CSMD1: variants seen among roughly 807,000 people sequenced by gnomAD.
CSMD1 encodes CUB and Sushi multiple domains 1, also known as CUB and sushi domain-containing protein 1.
Under a neutral mutation model 417.5 loss-of-function variants are expected in CSMD1, and 213 were observed. That is an observed-to-expected ratio of 0.51 (90% confidence interval 0.46 to 0.57). The LOEUF is 0.57. Among genes scored for constraint, CSMD1 ranks in the 20% least tolerant of loss-of-function variants. CSMD1 has a pLI of 0.00. For synonymous variants in CSMD1, 2,862 were observed against 1,736.8 expected, an observed-to-expected ratio of 1.65 and a Z score of -16.11; for missense variants, 6,923 against 4,529.7, an observed-to-expected ratio of 1.53 and a Z score of -15.17.
intron 3 of CSMD1, among the ~76,000 whole-genome samples, chr8:4,137,390 A>G (rs561458240): frequency 1.3e-5 from 1 of 77,606 alleles, no homozygotes; most frequent in South Asian, 4.5e-4. Context: ...AGATTAATGA[A>G]GAACAGAAAA....
chr8:3,393,206 C>G (rs1811451268), intron 17 of CSMD1, among the ~76,000 whole-genome samples: 3 of 152,140 alleles, frequency 2.0e-5, no homozygotes, highest in Non-Finnish European at 2.9e-5. Flanking sequence ...ATATGCAAGT[C>G]TAGATGTGTG....
intron 5 of CSMD1, among the ~76,000 whole-genome samples, chr8:3,912,614 G>C (rs1584953084): frequency 6.6e-6 from 1 of 152,146 alleles, no homozygotes. Context: ...AAGGAGCTAA[G>C]GTGAATTGCA....
intron 5 of CSMD1, among the ~76,000 whole-genome samples, chr8:3,855,865 C>G (rs989875444): frequency 6.6e-6 from 1 of 152,112 alleles, no homozygotes; most frequent in Non-Finnish European, 1.5e-5. Context: ...TATTATGACA[C>G]TTTGGAAACA....
chr8:2,985,260 A>T (rs1295684002), intron 54 of CSMD1, among the ~76,000 whole-genome samples: 3 of 152,168 alleles, frequency 2.0e-5, no homozygotes, highest in Admixed American at 6.5e-5. Context: ...TGCCTGTATC[A>T]CTAGCTTCTG....
intron 67 of CSMD1, 37 bp from the exon 68 acceptor site, chr8:2,949,423 G>A (rs200675652): frequency 1.8e-5 from 6 of 341,978 alleles, no homozygotes; most frequent in East Asian, 8.3e-5. Flanking sequence ...AAATAAAAAG[G>A]TATACGAAGG....
chr8:3,632,234 G>C (rs12678397), intron 7 of CSMD1, among the ~76,000 whole-genome samples: 62,910 of 151,928 alleles, frequency 0.41, 13,259 homozygotes, highest in Middle Eastern at 0.59. Flanking sequence ...TCATTTCTAG[G>C]GCTGGGCTTT....
chr8:3,344,761 C>T (rs987538899), intron 22 of CSMD1, among the ~76,000 whole-genome samples: 2 of 152,040 alleles, frequency 1.3e-5, no homozygotes, highest in Non-Finnish European at 2.9e-5. Flanking sequence ...TATATAAACC[C>T]AGGGATGTAC....
intron 7 of CSMD1, among the ~76,000 whole-genome samples, chr8:3,692,821 C>T (rs1267745534): frequency 6.6e-6 from 1 of 151,970 alleles, no homozygotes. Flanking sequence ...ATATGCATGG[C>T]AAAAATATTA....
At chr8:4,847,838 T>G (rs117846159) in intron 1 of CSMD1, among the ~76,000 whole-genome samples, 320 of 151,796 alleles carry the variant, frequency 2.1e-3, no homozygotes, top group Non-Finnish European at 3.7e-3. Flanking sequence ...CTATTTAAAG[T>G]ATAAATTTCA....
At chr8:2,947,029 TATC>T (rs2128916682) in intron 68 of CSMD1, among the ~76,000 whole-genome samples, 1 of 152,368 alleles carries the variant, frequency 6.6e-6, no homozygotes, top group African/African-American at 2.4e-5. Context: ...TTTAGAGACA[TATC>T]TATTCAAATC....
At chr8:4,870,286 G>T (rs979905573) in intron 1 of CSMD1, among the ~76,000 whole-genome samples, 1 of 152,016 alleles carries the variant, frequency 6.6e-6, no homozygotes, top group East Asian at 1.9e-4. Flanking sequence ...TTATATATGG[G>T]TAAAAATTGG....
chr8:4,228,718 C>T (rs564367411), intron 3 of CSMD1, among the ~76,000 whole-genome samples: 34 of 151,902 alleles, frequency 2.2e-4, no homozygotes, highest in African/African-American at 8.0e-4. Flanking sequence ...GAGTCTACCT[C>T]TGTCACCCAG....
intron 5 of CSMD1, among the ~76,000 whole-genome samples, chr8:3,926,796 AC>A (rs1809763029): frequency 7.0e-6 from 1 of 142,708 alleles, no homozygotes; most frequent in Non-Finnish European, 1.5e-5. Flanking sequence ...GCTCACTGCA[AC>A]CTCTGCCTCC....
intron 3 of CSMD1, among the ~76,000 whole-genome samples, chr8:4,095,699 G>A (rs984481437): frequency 6.6e-6 from 1 of 152,166 alleles, no homozygotes; most frequent in South Asian, 2.1e-4. Flanking sequence ...TAGAAGCTAT[G>A]ATGAGGTGCA....
At chr8:3,451,602 G>A (rs569257232) in intron 12 of CSMD1, among the ~76,000 whole-genome samples, 13 of 152,224 alleles carry the variant, frequency 8.5e-5, no homozygotes, top group Admixed American at 8.5e-4. Context: ...TTTTTGTCAG[G>A]TTTGTCAAAG....
intron 24 of CSMD1, among the ~76,000 whole-genome samples, 173 bp downstream of exon 24, chr8:3,308,139 C>G (rs1006205394): frequency 6.6e-6 from 1 of 151,982 alleles, no homozygotes; most frequent in Non-Finnish European, 1.5e-5. Flanking sequence ...AACTGTCTTT[C>G]ATAGCTGAAA....
At chr8:3,641,023 C>CT (rs1329542154) in intron 7 of CSMD1, among the ~76,000 whole-genome samples, 1 of 128,904 alleles carries the variant, frequency 7.8e-6, no homozygotes, top group Non-Finnish European at 1.6e-5. Context: ...TTCCTTTTTT[C>CT]CTTTTTTTTT....
At chr8:3,009,771 G>A (rs1808239703) in intron 52 of CSMD1, among the ~76,000 whole-genome samples, 1 of 152,138 alleles carries the variant, frequency 6.6e-6, no homozygotes, top group East Asian at 1.9e-4. Flanking sequence ...TATTGGGCTT[G>A]CAGAGCATAC....
intron 2 of CSMD1, among the ~76,000 whole-genome samples, chr8:4,465,487 C>A (rs1006639392): frequency 6.6e-6 from 1 of 152,126 alleles, no homozygotes; most frequent in African/African-American, 2.4e-5. Flanking sequence ...GGTTCGTCGT[C>A]CTCCCAAGAG....
Sources: allele counts gnomAD v4.1 joint callset (sites outside exome capture counted in the v4.1 genomes callset), GRCh38; gene constraint gnomAD v4.1.1; transcripts MANE v1.5; gene names NCBI Gene and HGNC (gene_info 2026-07-23, HGNC 2026-07-21).